The following CCDC62 variants were observed in gnomAD, a reference collection of about 807,000 sequenced individuals.
CCDC62 encodes the protein coiled-coil domain-containing protein 62.
A neutral mutation model predicts 80.8 loss-of-function variants in CCDC62; 72 were observed. The observed-to-expected ratio is 0.89, with a 90% CI of 0.74 to 1.08. CCDC62 has a LOEUF of 1.08. Among genes scored for constraint, CCDC62 ranks in the 50% least tolerant of loss-of-function variants. The pLI, the probability that CCDC62 is intolerant of heterozygous loss-of-function variation, is 0.00. For missense variants in CCDC62, 704 were observed against 809.4 expected, an observed-to-expected ratio of 0.87 and a Z score of 1.58; for synonymous variants, 286 against 296.5, an observed-to-expected ratio of 0.96 and a Z score of 0.36.
chr12:122,815,417 A>G (rs1393665450), intron 11 of CCDC62, among the ~76,000 whole-genome samples: 1 of 151,190 alleles, frequency 6.6e-6, no homozygotes, highest in African/African-American at 2.4e-5. Flanking sequence ...AGCGAAATTT[A>G]AAATTTTGAT....
At position 122,801,646 on chromosome 12, in the gene CCDC62, A is replaced by G; in HGVS notation, c.1500A>G (p.Lys500=). 6.2e-7 allele frequency: 1 copy of G among 1,614,192 alleles called. No individual in the cohort carries two copies. Among genetic ancestry groups the G allele is most frequent in the Non-Finnish European group, 8.5e-7 (1 of 1,180,042 alleles). ...GGTCCGAAATCTCATGCTGCCAGAAAAATGAAGCCTGTCTGGGCGAAAGTG... is the reference window on the plus strand; with the variant it reads ...GGTCCGAAATCTCATGCTGCCAGAAGAATGAAGCCTGTCTGGGCGAAAGTG... ...MERSEISCCQ[K]NEACLGESGM... The change falls in exon 9 of 13, where the codon AAA becomes AAG. Residue 500 remains lysine, a synonymous_variant. Coordinates refer to ENST00000253079, the MANE Select transcript of CCDC62 (RefSeq NM_201435.5).
chr12:122,797,383 C>A lies in CCDC62; in HGVS notation c.849C>A (p.His283Gln). The change falls in exon 7 of 13, where the codon CAC becomes CAA. Residue 283 changes from histidine to glutamine, a missense_variant. By Grantham distance (24) the His-to-Gln change is conservative (BLOSUM62 0). Transcript: ENST00000253079. ...SKQERTNSEL[H>Q]NLRQIYVKQQ... ...AAGAACGCACAAATTCAGAACTGCACAATCTGAGACAGGTATGTCCCCAAT... is the reference window on the plus strand; with the variant it reads ...AAGAACGCACAAATTCAGAACTGCAAAATCTGAGACAGGTATGTCCCCAAT... 1 of 1,568,256 alleles carries A rather than the reference C, an allele frequency of 6.4e-7. No homozygotes were observed. Among genetic ancestry groups the A allele is most frequent in the Non-Finnish European group, 8.8e-7 (1 of 1,138,716 alleles).
chr12:122,818,452 CAAAAAAA>C (rs138729013), intron 11 of CCDC62, among the ~76,000 whole-genome samples: 2 of 61,962 alleles, frequency 3.2e-5, no homozygotes, highest in African/African-American at 1.0e-4. Flanking sequence ...GACTCTGTCT[CAAAAAAA>C]AAAAAAAAAA....
chr12:122,806,560 C>T (rs1028989859), intron 10 of CCDC62, among the ~76,000 whole-genome samples: 11 of 152,110 alleles, frequency 7.2e-5, no homozygotes, highest in East Asian at 3.9e-4. Flanking sequence ...CTCACTGCAG[C>T]CTCAACCTAC....
In CCDC62 at chr12:122,806,295, G is replaced by C; in HGVS notation, c.1851G>C (p.Lys617Asn). 3 of 1,604,816 alleles carry C rather than the reference G, an allele frequency of 1.9e-6. No homozygotes were observed. The highest frequency in any genetic ancestry group is 2.6e-6 in the Non-Finnish European group (3 of 1,174,268). Residue 617 changes from lysine (K) to asparagine (N), a missense_variant and splice_region_variant, in exon 10 of 13, where the codon AAG becomes AAC. Lys to Asn is a moderately conservative substitution (Grantham distance 94, BLOSUM62 0). Transcript: ENST00000253079. ...AAGATGCACCAGCATTCAATGAAAA[G>C]GTTCGTATTTTGCTTAGACATCCCC... ...IYKDAPAFNE[K>N]ASIVLPSQDD...
intron 12 of CCDC62, 90 bp downstream of exon 12, chr12:122,823,549 C>A: frequency 1.4e-6 from 1 of 692,160 alleles, no homozygotes; most frequent in Non-Finnish European, 2.6e-6. Flanking sequence ...CAAGGCCATG[C>A]ATTTGTTTGA....
intron 1 of CCDC62, among the ~76,000 whole-genome samples, chr12:122,774,950 C>T (rs1305049224): frequency 6.6e-6 from 1 of 151,196 alleles, no homozygotes; most frequent in Non-Finnish European, 1.5e-5. Context: ...AAAAATTAGC[C>T]GGGCGTGGCG....
At chr12:122,781,038 G>A in intron 2 of CCDC62, 126 bp from the exon 3 acceptor site, 1 of 685,940 alleles carries the variant, frequency 1.5e-6, no homozygotes, top group Non-Finnish European at 2.4e-6. Flanking sequence ...CATAATAAAA[G>A]GTTTTAAAAG....
At chr12:122,821,906 G>A (rs368615677) in intron 11 of CCDC62, among the ~76,000 whole-genome samples, 3 of 151,726 alleles carry the variant, frequency 2.0e-5, no homozygotes, top group African/African-American at 7.3e-5. Flanking sequence ...ATTTAGAACC[G>A]ATTCATTTAA....
chr12:122,811,373 G>A (rs1305728201), intron 10 of CCDC62, among the ~76,000 whole-genome samples: 3 of 150,600 alleles, frequency 2.0e-5, no homozygotes, highest in Non-Finnish European at 3.0e-5. Flanking sequence ...CACCACGCCC[G>A]GCTAATTTTG....
chr12:122,777,581 G>C lies in CCDC62; in HGVS notation c.127G>C (p.Glu43Gln). The change falls in exon 2 of 13, where the codon GAG becomes CAG. Residue 43 changes from glutamate to glutamine, a missense_variant. Transcript: ENST00000253079. ...LIGELKDRDK[E>Q]LNDMVAVHQQ... ...TGGAGAATTAAAAGATCGAGATAAA[G>C]AGCTCAATGACATGGTTGCAGTGCA... is the stretch of plus-strand genomic sequence containing the variant. 1 of 1,614,120 alleles carries C rather than the reference G, an allele frequency of 6.2e-7. No individual in the cohort carries two copies.
chr12:122,807,899 A>G (rs778537062), intron 10 of CCDC62, among the ~76,000 whole-genome samples: 1 of 152,122 alleles, frequency 6.6e-6, no homozygotes, highest in Non-Finnish European at 1.5e-5. Context: ...CAGTGTAATT[A>G]TTTTGAGATT....
intron 5 of CCDC62, among the ~76,000 whole-genome samples, chr12:122,791,768 T>C (rs988823528): frequency 3.9e-5 from 6 of 152,178 alleles, no homozygotes; most frequent in Non-Finnish European, 8.8e-5. Flanking sequence ...TTTTAAAAGA[T>C]TGCTCTGTGT....
At chr12:122,779,262 A>G (rs1879673484) in intron 2 of CCDC62, among the ~76,000 whole-genome samples, 2 of 152,224 alleles carry the variant, frequency 1.3e-5, no homozygotes, top group Admixed American at 6.5e-5. Flanking sequence ...CCAGCCTGGC[A>G]GAAATTATCA....
chr12:122,792,202 GTTTTTT>G, intron 6 of CCDC62, 81 bp downstream of exon 6: 12 of 499,686 alleles, frequency 2.4e-5, no homozygotes, highest in Non-Finnish European at 3.5e-5. Flanking sequence ...TCCCAAAATG[GTTTTTT>G]TTTTTTTTTT....
At chr12:122,822,060 A>AACACACACACACACACACACACAC (rs58108370) in intron 11 of CCDC62, among the ~76,000 whole-genome samples, 6 of 115,764 alleles carry the variant, frequency 5.2e-5, no homozygotes, top group Admixed American at 1.1e-4. Context: ...TATAAATTTA[A>AACACACACACACACACACACACAC]ACACACACAC....
chr12:122,787,141 G>A (rs2030298758), intron 4 of CCDC62, among the ~76,000 whole-genome samples: 1 of 152,016 alleles, frequency 6.6e-6, no homozygotes. Context: ...AACAGTGGGT[G>A]CGTTAGGAAG....
In CCDC62 at chr12:122,813,290, C is replaced by G; in HGVS notation, c.1872C>G (p.Ser624=). ...FNEKASIVLP[S]QDDFSPTSKL... ...TGTAGGCTTCAATTGTGTTACCCTC[C>G]CAGGATGATTTCTCGCCCACGAGCA... Residue 624 remains serine, a synonymous_variant, in exon 11 of 13, where the codon TCC becomes TCG. Transcript: ENST00000253079. The G allele has an allele frequency of 6.2e-7, 1 of 1,612,600 alleles. No individual in the cohort carries two copies. The highest frequency in any genetic ancestry group is 1.7e-4 in the Middle Eastern group (1 of 6,050).
chr12:122,788,998 A>C, intron 5 of CCDC62, 69 bp downstream of exon 5: 3 of 1,245,942 alleles, frequency 2.4e-6, no homozygotes, highest in Non-Finnish European at 3.3e-6. Flanking sequence ...ATCTGGGTTC[A>C]CTTAATCTTA....
Sources: gnomAD v4.1 joint callset for allele counts (sites outside exome capture counted in the v4.1 genomes callset) on GRCh38, gnomAD v4.1.1 for gene constraint, MANE v1.5 for transcripts, NCBI Gene and HGNC (gene_info 2026-07-23, HGNC 2026-07-21) for gene names.